TJP2: variants seen among roughly 807,000 people sequenced by gnomAD.
TJP2 encodes tight junction protein 2.
TJP2 carries 91 observed loss-of-function variants against 133.1 expected under a neutral mutation model. The ratio of observed to expected loss-of-function variants is 0.68; its 90% confidence interval spans 0.58 to 0.81. The LOEUF is 0.81. Ranked by LOEUF, TJP2 falls within the 40% of genes least tolerant of loss-of-function variation. The pLI is 0.00. For synonymous variants in TJP2, 592 were observed against 583.4 expected (o/e 1.01, Z -0.21); for missense variants, 1,541 against 1,565.6 (o/e 0.98, Z 0.26).
At chr9:69,170,258 G>A (rs1824606906), upstream of TJP2, among the ~76,000 whole-genome samples, 1 of 151,958 alleles carries the variant, frequency 6.6e-6, no homozygotes, top group Non-Finnish European at 1.5e-5. Flanking sequence ...ATATGCACAA[G>A]CCTGTCTTTT....
chr9:69,159,198 C>G (rs1338228589), intron 2 of TJP2, among the ~76,000 whole-genome samples: 1 of 151,916 alleles, frequency 6.6e-6, no homozygotes, highest in Non-Finnish European at 1.5e-5. Context: ...GCCTGTAATC[C>G]CAGCTACTTG....
In TJP2 at chr9:69,254,319, A is replaced by T. The variant is rs1171017440; in HGVS notation, c.3518A>T (p.His1173Leu). The T allele has an allele frequency of 1.9e-6, 3 of 1,614,186 alleles. No homozygotes were observed. The highest frequency in any genetic ancestry group is 2.5e-6 in the Non-Finnish European group (3 of 1,180,034). Residue 1173 changes from histidine (H) to leucine (L), a missense_variant, in exon 23 of 23, where the codon CAC (histidine) becomes CTC (leucine). By Grantham distance (99) the His-to-Leu change is moderately conservative. Transcript: ENST00000377245. ...EEEYRQQLSEHSKRGYYGQSA... is the reference protein window; with the variant it reads ...EEEYRQQLSELSKRGYYGQSA... ...GAGTACCGCCAGCAGCTGTCAGAAC[A>T]CTCCAAGCGCGGTTACTATGGCCAG... is the stretch of plus-strand genomic sequence containing the variant.
intron 2 of TJP2, among the ~76,000 whole-genome samples, chr9:69,156,195 T>C (rs1823748384): frequency 6.6e-6 from 1 of 152,106 alleles, no homozygotes; most frequent in Non-Finnish European, 1.5e-5. Flanking sequence ...TGAAACACCA[T>C]CTCTACTAAA....
chr9:69,143,638 T>C (rs1376429628), intron 1 of TJP2, among the ~76,000 whole-genome samples: 1 of 152,250 alleles, frequency 6.6e-6, no homozygotes, highest in Non-Finnish European at 1.5e-5. Flanking sequence ...CCAAATGCTT[T>C]AGCCCTTGTT....
intron 1 of TJP2, among the ~76,000 whole-genome samples, chr9:69,137,253 CTTTCTTTCTTTCTTTCTT>C (rs201462009): frequency 0.012 from 355 of 29,282 alleles, 2 homozygotes; most frequent in African/African-American, 0.048. Flanking sequence ...CTCTCTCTTT[CTTTCTTTCTTTCTTTCTT>C]TTTCTTTCTT....
chr9:69,135,601 T>C (rs971117284), intron 1 of TJP2, among the ~76,000 whole-genome samples: 1 of 136,230 alleles, frequency 7.3e-6, no homozygotes, highest in Non-Finnish European at 1.6e-5. Flanking sequence ...CCACCACACC[T>C]AGCTGATTTT....
intron 1 of TJP2, among the ~76,000 whole-genome samples, chr9:69,140,230 C>T (rs989220839): frequency 1.3e-5 from 2 of 152,238 alleles, no homozygotes; most frequent in African/African-American, 4.8e-5. Context: ...TTAAAATACA[C>T]TTACACGGTG....
intron 2 of TJP2, among the ~76,000 whole-genome samples, chr9:69,165,251 T>C (rs552464841): frequency 3.9e-5 from 6 of 152,228 alleles, no homozygotes; most frequent in Non-Finnish European, 8.8e-5. Flanking sequence ...TCTCAGCCTC[T>C]GGAGTAGCTG....
At chr9:69,129,946 CGGA>C (rs1822414302) in intron 1 of TJP2, among the ~76,000 whole-genome samples, 1 of 141,054 alleles carries the variant, frequency 7.1e-6, no homozygotes, top group Non-Finnish European at 1.5e-5. Context: ...ACCCGGGAGG[CGGA>C]GGTTGCAGTG....
chr9:69,155,909 T>A (rs913180102), intron 2 of TJP2, among the ~76,000 whole-genome samples: 1 of 152,204 alleles, frequency 6.6e-6, no homozygotes, highest in African/African-American at 2.4e-5. Context: ...TTATTGGCTA[T>A]GTGCACTTAT....
chr9:69,252,864 C>T lies in TJP2; in HGVS notation c.3371C>T (p.Thr1124Met), dbSNP rs376663560. The change falls in exon 22 of 23, where the codon ACG (threonine) becomes ATG (methionine). Residue 1124 changes from threonine to methionine, a missense_variant. Thr to Met is a moderately conservative substitution (Grantham distance 81). Transcript: ENST00000377245. ...GATATCTATGCAGTTCCAATCAAAACGCACAAGCCAGACCCTGGCACGCCC... is the reference window on the plus strand; with the variant it reads ...GATATCTATGCAGTTCCAATCAAAATGCACAAGCCAGACCCTGGCACGCCC... ...HPDIYAVPIK[T>M]HKPDPGTPQH... The T allele has an allele frequency of 1.5e-4, 242 of 1,614,176 alleles. 2 individuals are homozygous for T. The highest frequency in any genetic ancestry group is 1.0e-3 in the Admixed American group (61 of 60,018).
chr9:69,217,983 A>G (rs1237341103), intron 3 of TJP2, among the ~76,000 whole-genome samples: 1 of 152,146 alleles, frequency 6.6e-6, no homozygotes, highest in East Asian at 1.9e-4. Flanking sequence ...ACCGTCATCA[A>G]GTACCTCCTG....
chr9:69,149,674 C>T (rs768673587), intron 1 of TJP2, among the ~76,000 whole-genome samples: 1 of 152,132 alleles, frequency 6.6e-6, no homozygotes. Context: ...TGTGACTGCC[C>T]GAGTGAAGCT....
chr9:69,235,512 C>T (rs138060913), intron 12 of TJP2, among the ~76,000 whole-genome samples: 11,029 of 151,698 alleles, frequency 0.073, 560 homozygotes, highest in African/African-American at 0.15. Flanking sequence ...TTAGTAGAGA[C>T]GGGGTTTCAC....
At chr9:69,169,715 T>C (rs140931394), upstream of TJP2, among the ~76,000 whole-genome samples, 163 of 152,270 alleles carry the variant, frequency 1.1e-3, 1 homozygote, top group African/African-American at 3.8e-3. Flanking sequence ...TGATACTTTA[T>C]AACCATATTG....
At chr9:69,133,286 C>T (rs1455311025) in intron 1 of TJP2, among the ~76,000 whole-genome samples, 4 of 152,126 alleles carry the variant, frequency 2.6e-5, no homozygotes, top group African/African-American at 9.7e-5. Flanking sequence ...GTTGTGAGAA[C>T]TAAACAAGGC....
intron 1 of TJP2, among the ~76,000 whole-genome samples, chr9:69,135,179 C>A (rs1174364647): frequency 6.6e-6 from 1 of 152,152 alleles, no homozygotes; most frequent in African/African-American, 2.4e-5. Flanking sequence ...TCCTTAGCAA[C>A]CCAGGCCAAT....
At chr9:69,233,584 C>T (rs1183308309) in intron 11 of TJP2, among the ~76,000 whole-genome samples, 3 of 152,120 alleles carry the variant, frequency 2.0e-5, no homozygotes, top group Non-Finnish European at 4.4e-5. Flanking sequence ...ACCAGCCTGG[C>T]CAACATGGTG....
At chr9:69,235,324 T>TTTATTTATTTA (rs754691667) in intron 12 of TJP2, among the ~76,000 whole-genome samples, 53 of 57,388 alleles carry the variant, frequency 9.2e-4, no homozygotes, top group Admixed American at 2.0e-3. Flanking sequence ...TATTTATTTA[T>TTTATTTATTTA]TTATTATTAT....
Sources: gnomAD v4.1 joint callset for allele counts (sites outside exome capture counted in the v4.1 genomes callset) on GRCh38, gnomAD v4.1.1 for gene constraint, MANE v1.5 for transcripts, NCBI Gene and HGNC (gene_info 2026-07-23, HGNC 2026-07-21) for gene names.